The following FAM168A variants were observed in gnomAD, a reference collection of about 807,000 sequenced individuals.
The protein encoded by FAM168A is protein FAM168A.
FAM168A carries 3 observed loss-of-function variants against 28.5 expected under a neutral mutation model. That is an observed-to-expected ratio of 0.11 (90% CI 0.05 to 0.27). The LOEUF (loss-of-function observed/expected upper bound fraction) is 0.27, where lower values mean the gene tolerates loss of function less well. Ranked by LOEUF, FAM168A falls within the 10% of genes least tolerant of loss-of-function variation. The pLI, the probability that FAM168A is intolerant of heterozygous loss-of-function variation, is 1.00. For synonymous variants in FAM168A, 122 were observed against 124.2 expected (o/e 0.98, Z 0.12); for missense variants, 222 against 311.5 (o/e 0.71, Z 2.16).
chr11:73,570,085 T>A (rs1944068312), intron 1 of FAM168A, among the ~76,000 whole-genome samples: 1 of 151,914 alleles, frequency 6.6e-6, no homozygotes, highest in Non-Finnish European at 1.5e-5. Flanking sequence ...ATAAGAGAGA[T>A]AATATCTTTC....
chr11:73,415,322 GATA>G (rs1403200758), intron 4 of FAM168A, among the ~76,000 whole-genome samples: 4 of 152,224 alleles, frequency 2.6e-5, no homozygotes, highest in Non-Finnish European at 4.4e-5. Context: ...TCACAGATGA[GATA>G]ATGAGTAGTT....
chr11:73,562,194 G>A (rs975807583), intron 1 of FAM168A, among the ~76,000 whole-genome samples: 2 of 152,218 alleles, frequency 1.3e-5, no homozygotes, highest in Admixed American at 1.3e-4. Context: ...GCCTGCCCTG[G>A]CCTCCCAAAG....
In FAM168A at chr11:73,589,431, C is replaced by T. The variant is rs941977770; in HGVS notation, c.-19+8492G>A. 2.0e-5 allele frequency among the ~76,000 whole-genome samples: 3 copies of T among 147,810 alleles called. No homozygotes were observed. In the East Asian group the frequency reaches 5.9e-4, roughly 29 times the overall value. ...AACCTTTTGGTTTCCCTGGGCTACA[C>T]TGGAAGAAAAATTGACTTGGGCTTC... On this transcript the variant is annotated intron_variant, in intron 1 of 7. Transcript: ENST00000356467.
At chr11:73,491,365 G>A (rs556607078) in intron 1 of FAM168A, among the ~76,000 whole-genome samples, 8 of 152,320 alleles carry the variant, frequency 5.3e-5, no homozygotes, top group East Asian at 3.9e-4. Context: ...ACCAAAAGAC[G>A]CTCTTACAAG....
At chr11:73,429,926 T>C (rs1019095752) in intron 3 of FAM168A, among the ~76,000 whole-genome samples, 2 of 152,186 alleles carry the variant, frequency 1.3e-5, no homozygotes, top group Non-Finnish European at 2.9e-5. Context: ...TAGTCACATT[T>C]GAATCTTAGA....
chr11:73,596,618 C>G (rs899562201), intron 1 of FAM168A, among the ~76,000 whole-genome samples: 1 of 152,160 alleles, frequency 6.6e-6, no homozygotes. Flanking sequence ...GCCTTACTGC[C>G]TCTCACCCAA....
chr11:73,502,934 T>C (rs897512974), intron 1 of FAM168A, among the ~76,000 whole-genome samples: 1 of 152,206 alleles, frequency 6.6e-6, no homozygotes, highest in Non-Finnish European at 1.5e-5. Context: ...GAAAAGGCCT[T>C]TGATAAAATT....
intron 2 of FAM168A, among the ~76,000 whole-genome samples, chr11:73,450,167 C>G (rs768013470): frequency 1.3e-5 from 2 of 152,206 alleles, no homozygotes; most frequent in Non-Finnish European, 2.9e-5. Flanking sequence ...TGAGAAGGTG[C>G]CAGCAGCCCC....
chr11:73,587,655 C>T (rs1264985335), intron 1 of FAM168A, among the ~76,000 whole-genome samples: 1 of 151,950 alleles, frequency 6.6e-6, no homozygotes, highest in Non-Finnish European at 1.5e-5. Context: ...AAAACTCCAT[C>T]TCAAAAAAAA....
chr11:73,461,112 C>A (rs1047230737), intron 2 of FAM168A, among the ~76,000 whole-genome samples: 3 of 152,042 alleles, frequency 2.0e-5, no homozygotes, highest in Non-Finnish European at 2.9e-5. Flanking sequence ...ATACTGAATT[C>A]ATTGTCAATC....
chr11:73,464,990 C>T (rs1036375565), intron 2 of FAM168A, among the ~76,000 whole-genome samples: 5 of 151,736 alleles, frequency 3.3e-5, no homozygotes, highest in Admixed American at 1.3e-4. Flanking sequence ...ATGTCCCATG[C>T]TCTTTTCCCT....
chr11:73,538,896 A>G (rs1428009226), intron 1 of FAM168A, among the ~76,000 whole-genome samples: 1 of 152,222 alleles, frequency 6.6e-6, no homozygotes, highest in East Asian at 1.9e-4. Flanking sequence ...AGTAAGCATC[A>G]TTTGTTTGTA....
intron 1 of FAM168A, among the ~76,000 whole-genome samples, chr11:73,534,718 T>TAGAAAGAA (rs1943555965): frequency 6.6e-6 from 1 of 152,122 alleles, no homozygotes; most frequent in Non-Finnish European, 1.5e-5. Context: ...CATATATTTC[T>TAGAAAGAA]AGAAAGAAAG....
intron 1 of FAM168A, among the ~76,000 whole-genome samples, chr11:73,507,767 T>C (rs190824978): frequency 1.3e-3 from 203 of 152,288 alleles, no homozygotes; most frequent in African/African-American, 4.8e-3. Flanking sequence ...CTGATCCACT[T>C]ATATGCCTCC....
intron 1 of FAM168A, among the ~76,000 whole-genome samples, chr11:73,523,323 T>A (rs987373016): frequency 7.2e-5 from 11 of 152,142 alleles, no homozygotes; most frequent in African/African-American, 2.7e-4. Context: ...TTTATAATTT[T>A]ATTTTATTTT....
chr11:73,563,624 G>T (rs1201691144), intron 1 of FAM168A, among the ~76,000 whole-genome samples: 1 of 152,092 alleles, frequency 6.6e-6, no homozygotes, highest in Non-Finnish European at 1.5e-5. Flanking sequence ...CAATTGTTTG[G>T]TATAGACTAA....
intron 1 of FAM168A, among the ~76,000 whole-genome samples, chr11:73,480,603 T>A (rs904635887): frequency 6.6e-6 from 1 of 152,162 alleles, no homozygotes; most frequent in Non-Finnish European, 1.5e-5. Context: ...AGAGAGGATG[T>A]CATTTTTCTT....
intron 1 of FAM168A, among the ~76,000 whole-genome samples, chr11:73,496,689 T>G (rs1463015449): frequency 6.6e-6 from 1 of 152,042 alleles, no homozygotes; most frequent in Non-Finnish European, 1.5e-5. Flanking sequence ...GCCTCCCGAG[T>G]AGCTGGGACT....
chr11:73,515,508 CA>C (rs61655633), intron 1 of FAM168A, among the ~76,000 whole-genome samples: 9,304 of 66,434 alleles, frequency 0.14, 805 homozygotes, highest in African/African-American at 0.33. Flanking sequence ...AACTCTGTCT[CA>C]AAAAAAAAAA....
Sources: gnomAD v4.1 joint callset for allele counts (sites outside exome capture counted in the v4.1 genomes callset) on GRCh38, gnomAD v4.1.1 for gene constraint, MANE v1.5 for transcripts, NCBI Gene and HGNC (gene_info 2026-07-23, HGNC 2026-07-21) for gene names.